The following RGS6 variants were observed in gnomAD, a reference collection of about 807,000 sequenced individuals.
RGS6 encodes the protein regulator of G-protein signaling 6.
RGS6 carries 30 observed loss-of-function variants against 78.5 expected under a neutral mutation model. That is an observed-to-expected ratio of 0.38 (90% confidence interval 0.29 to 0.52). The LOEUF is 0.52. Ranked by LOEUF, RGS6 falls within the 20% of genes least tolerant of loss-of-function variation. RGS6 has a pLI of 0.85. For synonymous variants in RGS6, 206 were observed against 206.0 expected, an observed-to-expected ratio of 1.00 and a Z score of 0.00; for missense variants, 495 against 609.7, an observed-to-expected ratio of 0.81 and a Z score of 1.98.
At chr14:72,354,247 C>T (rs953639970) in intron 3 of RGS6, among the ~76,000 whole-genome samples, 11 of 152,066 alleles carry the variant, frequency 7.2e-5, no homozygotes, top group Admixed American at 2.0e-4. Flanking sequence ...AGTCTGAGAT[C>T]AGGTACCATC....
At chr14:72,384,595 C>A (rs1371425572) in intron 3 of RGS6, among the ~76,000 whole-genome samples, 1 of 152,100 alleles carries the variant, frequency 6.6e-6, no homozygotes, top group Admixed American at 6.5e-5. Flanking sequence ...ATGATGTGTT[C>A]TGAGTGTCAA....
rs190051006 is a variant in RGS6 at position 72,354,579 on chromosome 14, G to C, written c.184+2385G>C. Reference sequence around the variant, plus strand: ...TGAACTGTGGAGGTTGCAGTGAGCAGAGGTCACGCCACTGCACTCCAGCAT... The same window carrying C: ...TGAACTGTGGAGGTTGCAGTGAGCACAGGTCACGCCACTGCACTCCAGCAT... On this transcript the variant is annotated intron_variant, in intron 3 of 17. Coordinates refer to ENST00000553525, the MANE Select transcript of RGS6 (RefSeq NM_001204424.2). Among the ~76,000 whole-genome samples, 272 of 152,086 alleles carry C rather than the reference G, an allele frequency of 1.8e-3. 1 individual carries two copies. The highest frequency in any genetic ancestry group is 3.1e-3 in the Non-Finnish European group (211 of 68,000).
At chr14:72,232,852 A>G (rs2050001911) in intron 2 of RGS6, among the ~76,000 whole-genome samples, 1 of 152,202 alleles carries the variant, frequency 6.6e-6, no homozygotes, top group Non-Finnish European at 1.5e-5. Context: ...AGGATGCCAG[A>G]ACATGGGATT....
chr14:72,144,083 T>C (rs2096576157), intron 2 of RGS6, among the ~76,000 whole-genome samples: 1 of 152,202 alleles, frequency 6.6e-6, no homozygotes, highest in Non-Finnish European at 1.5e-5. Flanking sequence ...GAAAGAATGA[T>C]GCCCCAAGAC....
chr14:72,403,919 C>T (rs1314900569), intron 3 of RGS6, among the ~76,000 whole-genome samples: 1 of 152,144 alleles, frequency 6.6e-6, no homozygotes. Context: ...ATTATTGAAC[C>T]TGTAATAAAG....
At chr14:72,577,378 C>G in the RGS6 span, among the ~76,000 whole-genome samples, 1 of 152,226 alleles carries the variant, frequency 6.6e-6, no homozygotes, top group Non-Finnish European at 1.5e-5. Context: ...CTCGTTTAAA[C>G]ATAGCCAGGG....
At chr14:72,405,976 G>A (rs2092890188) in intron 3 of RGS6, among the ~76,000 whole-genome samples, 1 of 152,180 alleles carries the variant, frequency 6.6e-6, no homozygotes, top group South Asian at 2.1e-4. Context: ...GGATTGCTGG[G>A]GCTGTCTGCG....
chr14:72,242,378 A>T (rs971255778), intron 2 of RGS6, among the ~76,000 whole-genome samples: 1 of 152,194 alleles, frequency 6.6e-6, no homozygotes, highest in Non-Finnish European at 1.5e-5. Context: ...GCTCTGCTAT[A>T]GTCAGATAAG....
chr14:72,391,114 A>G (rs2089869703), intron 3 of RGS6, among the ~76,000 whole-genome samples: 1 of 152,224 alleles, frequency 6.6e-6, no homozygotes, highest in Non-Finnish European at 1.5e-5. Context: ...TTTCTTAGAT[A>G]AATTGCCCTT....
In RGS6 at chr14:72,106,115, C is replaced by T. The variant is rs112731558; in HGVS notation, c.84+141240C>T. On this transcript the variant is annotated intron_variant, in intron 2 of 17. Coordinates refer to ENST00000553525, the MANE Select transcript of RGS6 (RefSeq NM_001204424.2). ...ATAGCACATCAGAGAACAGAGAGAC[C>T]AGACATAAATGCATAATAAGGCAAT... Among the ~76,000 whole-genome samples the T allele has an allele frequency of 2.1e-3, 317 of 152,222 alleles. 1 individual carries two copies. The highest frequency in any genetic ancestry group is 7.4e-3 in the African/African-American group (306 of 41,534).
chr14:72,554,115 G>A (rs146539825), intron 17 of RGS6, among the ~76,000 whole-genome samples: 1 of 152,228 alleles, frequency 6.6e-6, no homozygotes, highest in Admixed American at 6.5e-5. Flanking sequence ...AGAAAGAAAT[G>A]AGCCGGCCCT....
At chr14:72,056,267 A>C (rs956796366) in intron 2 of RGS6, among the ~76,000 whole-genome samples, 6 of 152,194 alleles carry the variant, frequency 3.9e-5, no homozygotes, top group African/African-American at 1.4e-4. Context: ...TTTGCTCTGT[A>C]AGCTCTCAGC....
chr14:72,170,008 A>G (rs575763616), intron 2 of RGS6, among the ~76,000 whole-genome samples: 8 of 152,194 alleles, frequency 5.3e-5, no homozygotes, highest in Non-Finnish European at 1.2e-4. Context: ...CTTGTGGCTT[A>G]GAGGAGAGCC....
chr14:72,548,432 T>TA (rs879485387), intron 17 of RGS6, among the ~76,000 whole-genome samples: 2,460 of 146,674 alleles, frequency 0.017, 62 homozygotes, highest in African/African-American at 0.058. Flanking sequence ...AAATCAAGTT[T>TA]AAAAAAAAAA....
the RGS6 span, among the ~76,000 whole-genome samples, chr14:72,577,072 C>T: frequency 6.6e-6 from 1 of 152,318 alleles, no homozygotes; most frequent in African/African-American, 2.4e-5. Context: ...CTACTAAAGT[C>T]ATCTTCATGC....
intron 2 of RGS6, among the ~76,000 whole-genome samples, chr14:72,169,140 C>T (rs577131129): frequency 1.4e-4 from 21 of 152,298 alleles, no homozygotes; most frequent in Admixed American, 4.6e-4. Context: ...AATCACTAAG[C>T]AATTTTTCTA....
rs151307395 is a variant in RGS6 at position 72,458,299 on chromosome 14, C to A, written c.264C>A (p.Ile88=). The A allele has an allele frequency of 1.2e-5, 19 of 1,613,808 alleles. No individual in the cohort carries two copies. Among genetic ancestry groups the A allele is most frequent in the Non-Finnish European group, 1.6e-5 (19 of 1,179,818 alleles). The part of the protein sequence containing the change: ...PVEAIHLGSL[I]AAQGYIFPIS... ...AAGCAATACACTTGGGGAGCCTTATCGCTGCCCAGGGCTACATCTTTCCAA... is the reference window on the plus strand; with the variant it reads ...AAGCAATACACTTGGGGAGCCTTATAGCTGCCCAGGGCTACATCTTTCCAA... The change falls in exon 5 of 18, where the codon ATC becomes ATA. Residue 88 remains isoleucine (I), a synonymous_variant. Coordinates refer to ENST00000553525, the MANE Select transcript of RGS6 (RefSeq NM_001204424.2).
chr14:72,499,405 C>A (rs945744419), intron 13 of RGS6, among the ~76,000 whole-genome samples: 2 of 152,132 alleles, frequency 1.3e-5, no homozygotes, highest in African/African-American at 4.8e-5. Flanking sequence ...TCCATATGCC[C>A]CTTGTCTGAT....
chr14:72,042,850 T>G (rs1163478058), intron 2 of RGS6, among the ~76,000 whole-genome samples: 1 of 152,218 alleles, frequency 6.6e-6, no homozygotes, highest in Non-Finnish European at 1.5e-5. Context: ...TCAAGTAGAT[T>G]GCTGGAGATG....
Sources: gnomAD v4.1 joint callset for allele counts (sites outside exome capture counted in the v4.1 genomes callset) on GRCh38, gnomAD v4.1.1 for gene constraint, MANE v1.5 for transcripts, NCBI Gene and HGNC (gene_info 2026-07-23, HGNC 2026-07-21) for gene names.